Variants in STPG2 observed in about 807,000 individuals in gnomAD.
STPG2 encodes sperm-tail PG-rich repeat-containing protein 2.
In STPG2, 56 loss-of-function variants were observed where a neutral mutation model predicts 54.2. The ratio of observed to expected loss-of-function variants is 1.03; its 90% CI spans 0.83 to 1.29. The LOEUF (loss-of-function observed/expected upper bound fraction) is 1.29. Among genes scored for constraint, STPG2 ranks in the 50% most tolerant of loss-of-function variants. The probability of loss-of-function intolerance (pLI) is 0.00; values close to 1 mark genes in which losing one functional copy is unlikely to be tolerated. For synonymous variants in STPG2, 200 were observed against 181.8 expected (o/e 1.10, Z -0.81); for missense variants, 596 against 544.9 (o/e 1.09, Z -0.93).
At chr4:98,017,929 A>C (rs1578784405) in intron 5 of STPG2, among the ~76,000 whole-genome samples, 2 of 151,930 alleles carry the variant, frequency 1.3e-5, no homozygotes, top group Non-Finnish European at 2.9e-5. Flanking sequence ...CTTCTCTTCC[A>C]CCTTCTGCCA....
chr4:97,886,382 G>A (rs967749408), intron 8 of STPG2, among the ~76,000 whole-genome samples: 15 of 152,008 alleles, frequency 9.9e-5, no homozygotes, highest in Non-Finnish European at 8.8e-5. Flanking sequence ...AAGAAAACAG[G>A]AACCAAAGAT....
intron 5 of STPG2, among the ~76,000 whole-genome samples, chr4:98,067,432 G>T (rs2110104470): frequency 6.6e-6 from 1 of 152,254 alleles, no homozygotes; most frequent in Middle Eastern, 3.4e-3. Flanking sequence ...TTAAAGATAA[G>T]TATTTAAATG....
intron 4 of STPG2, among the ~76,000 whole-genome samples, chr4:97,537,387 A>G (rs544255291): frequency 1.3e-5 from 2 of 152,278 alleles, no homozygotes; most frequent in African/African-American, 4.8e-5. Flanking sequence ...ATGGCACACC[A>G]TGGGATTATA....
At chr4:97,970,772 A>T (rs1430030218) in intron 7 of STPG2, among the ~76,000 whole-genome samples, 1 of 152,208 alleles carries the variant, frequency 6.6e-6, no homozygotes, top group African/African-American at 2.4e-5. Flanking sequence ...TGTCTAAAAC[A>T]CCAAAAGCAA....
intron 8 of STPG2, among the ~76,000 whole-genome samples, chr4:97,936,856 T>TC (rs1246036987): frequency 2.6e-5 from 4 of 152,180 alleles, no homozygotes; most frequent in Admixed American, 1.3e-4. Flanking sequence ...ATTATGTGTC[T>TC]TGGGGTTGAT....
chr4:97,857,066 T>G (rs781473331), intron 8 of STPG2, among the ~76,000 whole-genome samples: 2 of 152,164 alleles, frequency 1.3e-5, no homozygotes, highest in African/African-American at 2.4e-5. Flanking sequence ...TGCCAGTATT[T>G]TATTAAGGAT....
intron 9 of STPG2, among the ~76,000 whole-genome samples, chr4:97,789,595 T>C (rs1388966738): frequency 6.6e-6 from 1 of 152,192 alleles, no homozygotes; most frequent in Non-Finnish European, 1.5e-5. Context: ...TATATTCAAA[T>C]TTTATTAATT....
At chr4:97,885,003 T>C (rs952401785) in intron 8 of STPG2, among the ~76,000 whole-genome samples, 1 of 152,070 alleles carries the variant, frequency 6.6e-6, no homozygotes, top group Non-Finnish European at 1.5e-5. Flanking sequence ...GATAGCCTTC[T>C]AGGAAAGACA....
At position 97,840,853 on chromosome 4, in the gene STPG2, C is replaced by A; in HGVS notation, c.1124G>T (p.Arg375Leu). Reference protein sequence around the residue: ...SQVKHKYMPPRSLVAKRKHAS... With the variant: ...SQVKHKYMPPLSLVAKRKHAS... ...ATGTTTTCTTTTAGCCACTAAACTA[C>A]GAGGTGGCATATATTTATGCTTAAC... is the stretch of plus-strand genomic sequence containing the variant. Residue 375 changes from arginine (R) to leucine (L), a missense_variant, in exon 9 of 11, where the codon CGT (arginine) becomes CTT (leucine). Coordinates refer to ENST00000295268, the MANE Select transcript of STPG2 (RefSeq NM_174952.3). 3 of 1,611,896 alleles carry A rather than the reference C, an allele frequency of 1.9e-6. No individual in the cohort carries two copies. The highest frequency in any genetic ancestry group is 8.5e-7 in the Non-Finnish European group (1 of 1,178,560).
At chr4:97,666,373 A>C (rs1421705843) in intron 10 of STPG2, among the ~76,000 whole-genome samples, 1 of 152,218 alleles carries the variant, frequency 6.6e-6, no homozygotes, top group Non-Finnish European at 1.5e-5. Flanking sequence ...AGAACATGCA[A>C]TGTTACCATG....
At chr4:97,586,064 A>G (rs1732990747) in intron 10 of STPG2, among the ~76,000 whole-genome samples, 1 of 151,962 alleles carries the variant, frequency 6.6e-6, no homozygotes, top group Admixed American at 6.6e-5. Flanking sequence ...GACCCATCAT[A>G]AAATGATTCA....
chr4:97,882,230 A>C (rs1266308288), intron 8 of STPG2, among the ~76,000 whole-genome samples: 2 of 152,210 alleles, frequency 1.3e-5, no homozygotes, highest in Non-Finnish European at 2.9e-5. Context: ...TATGGACTGT[A>C]TGTTCACAAG....
chr4:97,699,613 A>T (rs1432882380), intron 10 of STPG2, among the ~76,000 whole-genome samples: 1 of 152,198 alleles, frequency 6.6e-6, no homozygotes, highest in African/African-American at 2.4e-5. Flanking sequence ...TGCACTGCTC[A>T]AAGTTCTGCC....
intron 9 of STPG2, among the ~76,000 whole-genome samples, chr4:97,721,145 T>C (rs751239072): frequency 1.3e-5 from 2 of 152,216 alleles, no homozygotes; most frequent in South Asian, 2.1e-4. Flanking sequence ...CAAGCACGTA[T>C]AGCAAGAGAT....
chr4:98,130,683 G>T (rs970361264), intron 2 of STPG2, among the ~76,000 whole-genome samples: 16 of 151,872 alleles, frequency 1.1e-4, no homozygotes, highest in African/African-American at 1.9e-4. Flanking sequence ...AGCACTTTGG[G>T]AGGCCGAGGC....
intron 9 of STPG2, among the ~76,000 whole-genome samples, chr4:97,742,938 A>T (rs2149038909): frequency 6.6e-6 from 1 of 151,738 alleles, no homozygotes; most frequent in South Asian, 2.1e-4. Flanking sequence ...AATATGTAAA[A>T]TGAGGGAGAT....
intron 2 of STPG2, among the ~76,000 whole-genome samples, chr4:98,134,089 T>C (rs1481586208): frequency 1.3e-5 from 2 of 151,980 alleles, no homozygotes; most frequent in Non-Finnish European, 2.9e-5. Context: ...AAGAGTCCTA[T>C]TCTCTCATTC....
At chr4:97,540,429 A>G (rs1731666399) in intron 4 of STPG2, among the ~76,000 whole-genome samples, 1 of 152,188 alleles carries the variant, frequency 6.6e-6, no homozygotes, top group African/African-American at 2.4e-5. Flanking sequence ...AACCAGGAAG[A>G]AGTTGAATCT....
chr4:97,550,248 T>A (rs1731934580), intron 4 of STPG2, among the ~76,000 whole-genome samples: 1 of 152,084 alleles, frequency 6.6e-6, no homozygotes. Flanking sequence ...TGATCTGTGG[T>A]ATGAGGTCTT....
Sources: gnomAD v4.1 joint callset for allele counts (sites outside exome capture counted in the v4.1 genomes callset) on GRCh38, gnomAD v4.1.1 for gene constraint, MANE v1.5 for transcripts, NCBI Gene and HGNC (gene_info 2026-07-23, HGNC 2026-07-21) for gene names.